Variants in BMP5 observed in about 807,000 individuals in gnomAD.
BMP5 encodes the protein bone morphogenetic protein 5.
A neutral mutation model predicts 46.6 loss-of-function variants in BMP5; 23 were observed. The observed-to-expected ratio is 0.49, with a 90% CI of 0.35 to 0.70. BMP5 has a LOEUF of 0.70. Ranked by LOEUF, BMP5 falls within the 30% of genes least tolerant of loss-of-function variation. BMP5 has a pLI of 0.00. For missense variants in BMP5, 545 were observed against 565.6 expected, an observed-to-expected ratio of 0.96 and a Z score of 0.37; for synonymous variants, 204 against 191.9, an observed-to-expected ratio of 1.06 and a Z score of -0.52.
chr6:55,834,498 C>G (rs9475419), intron 1 of BMP5, among the ~76,000 whole-genome samples: 4,464 of 152,108 alleles, frequency 0.029, 205 homozygotes, highest in African/African-American at 0.1. Context: ...TCAAAGGGAA[C>G]CTTGCACTCA....
chr6:55,831,445 T>C (rs910473909), intron 1 of BMP5, among the ~76,000 whole-genome samples: 25 of 152,036 alleles, frequency 1.6e-4, no homozygotes, highest in African/African-American at 6.0e-4. Flanking sequence ...TATTATCCTT[T>C]AAGGGCTAAA....
rs9464297 is a variant in BMP5 at position 55,874,948 on chromosome 6, A to T, written c.-83T>A. 1,767 of 1,517,880 alleles carry T rather than the reference A, an allele frequency of 1.2e-3. 24 individuals are homozygous for T. In the African/African-American group the frequency reaches 0.022, roughly 19 times the overall value. 94.0% of individuals were successfully genotyped at this position (1,517,880 alleles called of 1,614,324 possible). A position where few individuals can be genotyped will look rare whatever the true frequency, so the allele number is the denominator to read the frequency against. ...AAAAACCTAAGGTTCTAGGAGGTACAGTTTCCCAGTAGCTGAAAAAACAAA... is the reference window on the plus strand; with the variant it reads ...AAAAACCTAAGGTTCTAGGAGGTACTGTTTCCCAGTAGCTGAAAAAACAAA... On this transcript the variant is annotated 5_prime_UTR_variant, in exon 1 of 7. Transcript: ENST00000370830.
intron 2 of BMP5, among the ~76,000 whole-genome samples, chr6:55,805,755 C>T (rs1203760749): frequency 6.6e-6 from 1 of 152,152 alleles, no homozygotes; most frequent in Non-Finnish European, 1.5e-5. Context: ...TAATAATCGC[C>T]ATTCTGACTG....
At chr6:55,869,417 T>C (rs921035643) in intron 1 of BMP5, among the ~76,000 whole-genome samples, 2 of 152,162 alleles carry the variant, frequency 1.3e-5, no homozygotes, top group Non-Finnish European at 1.5e-5. Context: ...GTCTCATCCT[T>C]ATTCCTGTAT....
chr6:55,850,005 T>C (rs1200665802), intron 1 of BMP5, among the ~76,000 whole-genome samples: 1 of 152,074 alleles, frequency 6.6e-6, no homozygotes, highest in Non-Finnish European at 1.5e-5. Flanking sequence ...TTTGCATACA[T>C]AGTATCTTTC....
At position 55,760,534 on chromosome 6, in the gene BMP5, C is replaced by A; in HGVS notation, c.1028-1G>T. 1 of 1,612,684 alleles carries A rather than the reference C, an allele frequency of 6.2e-7. No individual in the cohort carries two copies. The highest frequency in any genetic ancestry group is 8.5e-7 in the Non-Finnish European group (1 of 1,179,024). On this transcript the variant is annotated splice_acceptor_variant, in intron 4 of 6. Transcript: ENST00000370830. LOFTEE classifies it high-confidence loss of function. The stretch of plus-strand genomic sequence containing the variant: ...TGTTTTTGCTCACTTGTGTTATAAT[C>A]TGAAGATAAAAACCACATTTTGAAT...
At chr6:55,775,857 A>T (rs9475402) in intron 3 of BMP5, among the ~76,000 whole-genome samples, 15,872 of 151,706 alleles carry the variant, frequency 0.1, 955 homozygotes, top group African/African-American at 0.14. Context: ...CGTGTCGTAT[A>T]AGGTTGTGCA....
intron 1 of BMP5, among the ~76,000 whole-genome samples, chr6:55,860,647 G>T (rs1251540814): frequency 6.6e-6 from 1 of 152,182 alleles, no homozygotes; most frequent in Non-Finnish European, 1.5e-5. Context: ...TGTCTTAAAT[G>T]CTCATTTTTA....
chr6:55,847,103 T>C (rs2127547903), intron 1 of BMP5, among the ~76,000 whole-genome samples: 1 of 152,116 alleles, frequency 6.6e-6, no homozygotes, highest in East Asian at 1.9e-4. Context: ...CTGCAGTTCC[T>C]ATTTTATCGA....
intron 1 of BMP5, among the ~76,000 whole-genome samples, chr6:55,835,749 G>C (rs1776779068): frequency 2.0e-5 from 3 of 152,160 alleles, no homozygotes; most frequent in Non-Finnish European, 4.4e-5. Context: ...GTGTTCAAGA[G>C]GGAAAGATAA....
At chr6:55,805,056 G>A (rs560035618) in intron 2 of BMP5, among the ~76,000 whole-genome samples, 2 of 152,166 alleles carry the variant, frequency 1.3e-5, no homozygotes, top group East Asian at 3.9e-4. Flanking sequence ...AAGAGACATT[G>A]GGTAAACTAA....
chr6:55,865,283 A>G (rs1441448412), intron 1 of BMP5: 2 of 348,052 alleles, frequency 5.7e-6, no homozygotes, highest in African/African-American at 4.4e-5. Context: ...ACAATCAAAT[A>G]TCTTCTAATT....
chr6:55,840,979 G>A lies in BMP5; in HGVS notation c.491-21132C>T, dbSNP rs906035845. On this transcript the variant is annotated intron_variant, in intron 1 of 6. Transcript: ENST00000370830. ...CAGCAGGAGAGGAGGTAAGCAGTGG[G>A]TGAGGAAGCATTATGGCCTGAGCCC... is the stretch of plus-strand genomic sequence containing the variant. Among the ~76,000 whole-genome samples the A allele has an allele frequency of 3.9e-5, 6 of 152,296 alleles. 1 individual carries two copies. The highest frequency in any genetic ancestry group is 1.3e-4 in the Admixed American group (2 of 15,290).
chr6:55,837,003 A>G (rs903373893), intron 1 of BMP5, among the ~76,000 whole-genome samples: 3 of 152,166 alleles, frequency 2.0e-5, no homozygotes, highest in Non-Finnish European at 1.5e-5. Flanking sequence ...TATTGAAAGT[A>G]TGGGAAGAAT....
chr6:55,786,172 C>G (rs796576893), intron 3 of BMP5, among the ~76,000 whole-genome samples: 19 of 151,790 alleles, frequency 1.3e-4, no homozygotes, highest in African/African-American at 4.6e-4. Flanking sequence ...TTGAATGTAA[C>G]TGTTTAATAC....
intron 3 of BMP5, among the ~76,000 whole-genome samples, chr6:55,789,626 G>A (rs893059000): frequency 1.3e-5 from 2 of 151,976 alleles, no homozygotes; most frequent in African/African-American, 2.4e-5. Flanking sequence ...ATTTAGGACA[G>A]ATTTAAGCCT....
intron 1 of BMP5, among the ~76,000 whole-genome samples, chr6:55,838,188 T>C (rs1043974851): frequency 4.6e-5 from 7 of 152,192 alleles, no homozygotes. Flanking sequence ...ATTGGATAGC[T>C]CAATTTGCAG....
At chr6:55,803,614 C>G (rs2127532467) in intron 2 of BMP5, among the ~76,000 whole-genome samples, 1 of 152,294 alleles carries the variant, frequency 6.6e-6, no homozygotes, top group South Asian at 2.1e-4. Context: ...GCTCACCTTA[C>G]TGTTGGGAGC....
chr6:55,845,225 AT>A (rs1165897422), intron 1 of BMP5, among the ~76,000 whole-genome samples: 1 of 152,066 alleles, frequency 6.6e-6, no homozygotes, highest in African/African-American at 2.4e-5. Flanking sequence ...TTGCCGAGAA[AT>A]TTCAGTTTCA....
Sources: gnomAD v4.1 joint callset for allele counts (sites outside exome capture counted in the v4.1 genomes callset) on GRCh38, gnomAD v4.1.1 for gene constraint, MANE v1.5 for transcripts, NCBI Gene and HGNC (gene_info 2026-07-23, HGNC 2026-07-21) for gene names.